AASDH: variants seen among roughly 807,000 people sequenced by gnomAD.
AASDH encodes beta-alanine-activating enzyme.
Under a neutral mutation model 102.3 loss-of-function variants are expected in AASDH, and 81 were observed. The ratio of observed to expected loss-of-function variants is 0.79; its 90% confidence interval spans 0.66 to 0.95. The LOEUF is 0.95. Among genes scored for constraint, AASDH ranks in the 40% least tolerant of loss-of-function variants. The pLI is 0.00. For missense variants in AASDH, 1,203 were observed against 1,266.2 expected (o/e 0.95, Z 0.76); for synonymous variants, 398 against 454.0 (o/e 0.88, Z 1.57).
intron 5 of AASDH, among the ~76,000 whole-genome samples, chr4:56,370,497 T>A (rs1412969732): frequency 1.3e-5 from 2 of 152,162 alleles, no homozygotes; most frequent in East Asian, 3.8e-4. Flanking sequence ...AGTGATTAGG[T>A]CATGCAGGCA....
rs1335182185 is a variant in AASDH, at chr4:56,351,700, G to C, written c.1577-243C>G. Among the ~76,000 whole-genome samples, 5 of 152,096 alleles carry C rather than the reference G, an allele frequency of 3.3e-5. No individual in the cohort carries two copies. The East Asian group carries it at 9.7e-4, about 29-fold the overall frequency. On this transcript the variant is annotated intron_variant, in intron 9 of 14. Transcript: ENST00000205214. The stretch of plus-strand genomic sequence containing the variant: ...TAACCCCAACACTTTGGGAGGCTGA[G>C]GTGGGAGGATCGCTTGAGGCTAGGT...
intron 14 of AASDH, among the ~76,000 whole-genome samples, chr4:56,342,294 C>T (rs545718799): frequency 7.9e-5 from 12 of 152,164 alleles, no homozygotes; most frequent in African/African-American, 2.9e-4. Flanking sequence ...AAAGAGAAGA[C>T]ATGAAATGAT....
rs549510493 is a variant in AASDH, at chr4:56,369,812, C to T, written c.861+1639G>A. Among the ~76,000 whole-genome samples the T allele has an allele frequency of 3.9e-5, 6 of 151,936 alleles. No individual in the cohort carries two copies. The South Asian group carries it at 8.3e-4, about 21-fold the overall frequency. On this transcript the variant is annotated intron_variant, in intron 5 of 14. Transcript: ENST00000205214. ...AAAATTAGCTGGGCGTGGTGGTACA[C>T]GCCTGTAATCCCAGCTACTCAGGAG...
intron 4 of AASDH, among the ~76,000 whole-genome samples, chr4:56,376,594 T>C (rs1752362745): frequency 6.6e-6 from 1 of 152,128 alleles, no homozygotes; most frequent in Non-Finnish European, 1.5e-5. Context: ...TCCAATACCA[T>C]AGGTCCACTG....
At chr4:56,379,238 A>G (rs1443815212) in intron 3 of AASDH, among the ~76,000 whole-genome samples, 1 of 152,164 alleles carries the variant, frequency 6.6e-6, no homozygotes, top group Non-Finnish European at 1.5e-5. Context: ...GGCTCAAGCG[A>G]TCTTCCCACC....
At chr4:56,355,590 CTTGTT>C (rs1275856452) in intron 5 of AASDH, among the ~76,000 whole-genome samples, 167 bp from the exon 6 acceptor site, 3 of 92,694 alleles carry the variant, frequency 3.2e-5, no homozygotes, top group African/African-American at 8.3e-5. Context: ...ACATTATCTT[CTTGTT>C]TTTTTTTTTT....
At chr4:56,340,518 A>C (rs1007097056) in intron 14 of AASDH, among the ~76,000 whole-genome samples, 7 of 152,180 alleles carry the variant, frequency 4.6e-5, no homozygotes, top group African/African-American at 1.7e-4. Flanking sequence ...CTGCATATAA[A>C]AATAAACTCG....
intron 11 of AASDH, among the ~76,000 whole-genome samples, chr4:56,345,879 T>C (rs1436860844): frequency 1.3e-5 from 2 of 152,244 alleles, no homozygotes; most frequent in Non-Finnish European, 2.9e-5. Flanking sequence ...TAAGTACTAT[T>C]ATAACCACAT....
At position 56,384,200 on chromosome 4, in the gene AASDH, T is replaced by C; in HGVS notation, c.100A>G (p.Thr34Ala). The C allele has an allele frequency of 6.2e-7, 1 of 1,614,092 alleles. No homozygotes were observed. The highest frequency in any genetic ancestry group is 8.5e-7 in the Non-Finnish European group (1 of 1,179,994). The change falls in exon 2 of 15, where the codon ACC becomes GCC. Residue 34 changes from threonine (T) to alanine (A), a missense_variant. Coordinates refer to ENST00000205214, the MANE Select transcript of AASDH (RefSeq NM_181806.4). ...ECNNQLPVYYTYKTVVNAASE... is the reference protein window; with the variant it reads ...ECNNQLPVYYAYKTVVNAASE... ...GCAGCATTAACCACAGTCTTGTAGG[T>C]GTAGTAAACTGGAAGCTGGTTGTTG...
At chr4:56,379,920 C>T (rs1302756087) in intron 3 of AASDH, among the ~76,000 whole-genome samples, 1 of 152,018 alleles carries the variant, frequency 6.6e-6, no homozygotes, top group Admixed American at 6.6e-5. Flanking sequence ...AGATGCAAAT[C>T]CTTAATAACC....
chr4:56,341,648 A>T (rs954540748), intron 14 of AASDH, among the ~76,000 whole-genome samples: 1 of 147,982 alleles, frequency 6.8e-6, no homozygotes, highest in Non-Finnish European at 1.5e-5. Flanking sequence ...TGATCCTCCC[A>T]CCTCGGCCTC....
In AASDH at chr4:56,338,702, GC is replaced by G. The variant is rs756528818; in HGVS notation, c.2996del (p.Cys999SerfsTer8). The part of the protein sequence containing the change: ...EQKIFFGSHD[C>X]FIYCCNMKGH... ...CTTTCATGTTACAACAGTAGATAAA[GC>G]AATCATGGGAACCAAAAAATATTTT... On this transcript the variant is annotated frameshift_variant, in exon 15 of 15. Transcript: ENST00000205214. LOFTEE classifies it high-confidence loss of function. 1.2e-6 allele frequency: 2 copies of G among 1,614,156 alleles called. No homozygotes were observed.
Position 56,343,576 on chromosome 4 carries a change from G to T in AASDH, c.2761C>A (p.Leu921Met). Reference sequence around the variant, plus strand: ...TTTATGCCTACAGGATTTACAGCCAGTAAAAGTCCTCCCAATGTAGCAAAA... The same window carrying T: ...TTTATGCCTACAGGATTTACAGCCATTAAAAGTCCTCCCAATGTAGCAAAA... ...LYFATLGGLL[L>M]AVNPATGNVI... Residue 921 changes from leucine to methionine, a missense_variant, in exon 13 of 15, where the codon CTG becomes ATG. By Grantham distance (15) the Leu-to-Met change is conservative (BLOSUM62 2). Transcript: ENST00000205214. 1 of 1,608,564 alleles carries T rather than the reference G, an allele frequency of 6.2e-7. No individual in the cohort carries two copies. Among genetic ancestry groups the T allele is most frequent in the Non-Finnish European group, 8.5e-7 (1 of 1,176,960 alleles).
At position 56,346,216 on chromosome 4, in the gene AASDH, A is replaced by C. The variant is rs113266223; in HGVS notation, c.2489-926T>G. Among the ~76,000 whole-genome samples the C allele has an allele frequency of 4.5e-4, 68 of 152,292 alleles. 1 individual carries two copies. The highest frequency in any genetic ancestry group is 1.4e-3 in the African/African-American group (59 of 41,568). Reference sequence around the variant, plus strand: ...ATTTAGGGCAATTTCATTGATGCCCACTCTCTAGACAGCTCTGCCTATGGC... The same window carrying C: ...ATTTAGGGCAATTTCATTGATGCCCCCTCTCTAGACAGCTCTGCCTATGGC... On this transcript the variant is annotated intron_variant, in intron 11 of 14. Transcript: ENST00000205214.
At chr4:56,354,892 C>A (rs1749417957) in intron 6 of AASDH, 81 bp from the exon 7 acceptor site, 1 of 1,172,950 alleles carries the variant, frequency 8.5e-7, no homozygotes, top group Non-Finnish European at 1.2e-6. Flanking sequence ...TCATACTGTA[C>A]CAAATAAAGA....
intron 8 of AASDH, 146 bp downstream of exon 8, chr4:56,353,893 T>C: frequency 1.4e-6 from 1 of 725,568 alleles, no homozygotes; most frequent in Non-Finnish European, 2.1e-6. Flanking sequence ...AGGGGCACCC[T>C]GAATTATTCA....
intron 5 of AASDH, among the ~76,000 whole-genome samples, chr4:56,367,224 A>T (rs1324350316): frequency 2.6e-5 from 4 of 152,002 alleles, no homozygotes; most frequent in Non-Finnish European, 5.9e-5. Flanking sequence ...AAGAGGATAC[A>T]AACAAATGGA....
At chr4:56,363,226 A>G (rs995841167) in intron 5 of AASDH, among the ~76,000 whole-genome samples, 2 of 152,198 alleles carry the variant, frequency 1.3e-5, no homozygotes, top group Admixed American at 1.3e-4. Flanking sequence ...AGCAGCCAGG[A>G]AGCTCAAACT....
In AASDH at chr4:56,378,303, A is replaced by G; in HGVS notation, c.513T>C (p.Ser171=). 1 of 1,614,136 alleles carries G rather than the reference A, an allele frequency of 6.2e-7. No individual in the cohort carries two copies. The highest frequency in any genetic ancestry group is 2.2e-5 in the East Asian group (1 of 44,882). The change falls in exon 4 of 15, where the codon AGT becomes AGC. Residue 171 remains serine (S), a synonymous_variant. Transcript: ENST00000205214. ...KYEKEKIKSI[S]SEHVNEEKAE... ...CTTTTTCTTCATTGACATGCTCAGA[A>G]CTTATGCTTTTTATTTTTTCTTTTT...
Sources: allele counts gnomAD v4.1 joint callset (sites outside exome capture counted in the v4.1 genomes callset), GRCh38; gene constraint gnomAD v4.1.1; transcripts MANE v1.5; gene names NCBI Gene and HGNC (gene_info 2026-07-23, HGNC 2026-07-21).